Variants in TXNDC11 observed in about 807,000 individuals in gnomAD.
TXNDC11 encodes the protein thioredoxin domain containing 11.
A neutral mutation model predicts 78.0 loss-of-function variants in TXNDC11; 68 were observed. The observed-to-expected ratio is 0.87, with a 90% confidence interval of 0.72 to 1.07. The LOEUF (loss-of-function observed/expected upper bound fraction) is 1.07, where lower values mean the gene tolerates loss of function less well. Among genes scored for constraint, TXNDC11 ranks in the 50% least tolerant of loss-of-function variants. The pLI, the probability that TXNDC11 is intolerant of heterozygous loss-of-function variation, is 0.00. For missense variants in TXNDC11, 1,389 were observed against 1,221.8 expected (o/e 1.14, Z -2.04); for synonymous variants, 571 against 495.2 (o/e 1.15, Z -2.03).
chr16:11,721,620 A>G lies in TXNDC11; in HGVS notation c.750T>C (p.Gly250=). 6.2e-7 allele frequency: 1 copy of G among 1,612,820 alleles called. No individual in the cohort carries two copies. The highest frequency in any genetic ancestry group is 2.2e-5 in the East Asian group (1 of 44,822). The part of the protein sequence containing the change: ...FEFSGSPQPP[G]YLTFFTSALH... ...ATGCTGAGGTGAAGAAGGTCAAATA[A>G]CCAGGAGGCTGGGGTGAGCCACTGA... The change falls in exon 5 of 12, where the codon GGT becomes GGC. Residue 250 remains glycine (G), a synonymous_variant. Transcript: ENST00000283033.
chr16:11,689,936 G>A (rs183720592), intron 8 of TXNDC11: 1 of 152,278 alleles, frequency 6.6e-6, no homozygotes, highest in Admixed American at 6.5e-5. Flanking sequence ...TACACAGTGA[G>A]GAACTCTTGG....
At chr16:11,740,789 A>C (rs1172518516) in intron 1 of TXNDC11, among the ~76,000 whole-genome samples, 1 of 152,260 alleles carries the variant, frequency 6.6e-6, no homozygotes, top group African/African-American at 2.4e-5. Context: ...GGACTCCTTC[A>C]TCTGTGCACT....
chr16:11,709,313 C>T (rs954659519), intron 5 of TXNDC11, among the ~76,000 whole-genome samples: 2 of 148,998 alleles, frequency 1.3e-5, no homozygotes, highest in South Asian at 4.2e-4. Flanking sequence ...AGCGCAATGG[C>T]GTGATCTCAG....
chr16:11,736,349 C>A (rs2052220979), intron 1 of TXNDC11, 116 bp from the exon 2 acceptor site: 1 of 783,318 alleles, frequency 1.3e-6, no homozygotes, highest in Admixed American at 2.5e-5. Context: ...AAAATGGAGT[C>A]CCAAAATCAC....
chr16:11,723,755 T>C (rs975088298), intron 4 of TXNDC11, among the ~76,000 whole-genome samples: 2 of 152,242 alleles, frequency 1.3e-5, no homozygotes, highest in Non-Finnish European at 2.9e-5. Flanking sequence ...GCAATTTTAC[T>C]TAACTCTCTT....
At chr16:11,704,880 A>G (rs2051138981) in intron 5 of TXNDC11, among the ~76,000 whole-genome samples, 1 of 151,910 alleles carries the variant, frequency 6.6e-6, no homozygotes, top group African/African-American at 2.4e-5. Context: ...CAGTTTAGTG[A>G]ATAGGACCGA....
At chr16:11,724,063 C>A (rs2051799267) in intron 4 of TXNDC11, among the ~76,000 whole-genome samples, 1 of 152,122 alleles carries the variant, frequency 6.6e-6, no homozygotes, top group Non-Finnish European at 1.5e-5. Flanking sequence ...CCTCAGATCA[C>A]TTGAGGCCAG....
chr16:11,688,457 G>A lies in TXNDC11; in HGVS notation c.1901-12C>T, dbSNP rs777270669. On this transcript the variant is annotated splice_polypyrimidine_tract_variant and intron_variant, in intron 8 of 11. Transcript: ENST00000283033. ...TTGAATAAAAGACTCTAAAAATAAA[G>A]AGAAAATGAGATCAACTCTCCTCTA... The A allele has an allele frequency of 1.3e-6, 2 of 1,592,650 alleles. No individual in the cohort carries two copies. Among genetic ancestry groups the A allele is most frequent in the Non-Finnish European group, 1.7e-6 (2 of 1,169,086 alleles).
In TXNDC11 at chr16:11,689,969, T is replaced by A. The variant is rs1283311487; in HGVS notation, c.1900+1321A>T. ...TGGATTTATAATATGTAACTTGATA[T>A]AGAAAAATCAATATTTACATAAAGC... On this transcript the variant is annotated intron_variant, in intron 8 of 11. Coordinates refer to ENST00000283033, the MANE Select transcript of TXNDC11 (RefSeq NM_015914.7). 3 of 152,236 alleles carry A rather than the reference T, an allele frequency of 2.0e-5. No homozygotes were observed. The East Asian group carries it at 5.8e-4, about 29-fold the overall frequency. The allele number at this position is 152,236 out of a possible 1,614,324, so 9.4% of individuals were successfully genotyped here. A position where few individuals can be genotyped will look rare whatever the true frequency, so the allele number is the denominator to read the frequency against.
chr16:11,690,123 G>C (rs138409498), intron 8 of TXNDC11: 18 of 152,160 alleles, frequency 1.2e-4, no homozygotes, highest in Admixed American at 6.5e-4. Flanking sequence ...GAAATGAAAG[G>C]TTTCCTTCCC....
At chr16:11,714,825 TC>T (rs2051480663) in intron 5 of TXNDC11, among the ~76,000 whole-genome samples, 1 of 152,174 alleles carries the variant, frequency 6.6e-6, no homozygotes, top group South Asian at 2.1e-4. Flanking sequence ...TTAATACCTT[TC>T]CTCTAAAACA....
intron 5 of TXNDC11, among the ~76,000 whole-genome samples, chr16:11,715,750 T>C (rs944486634): frequency 6.6e-5 from 10 of 152,094 alleles, no homozygotes; most frequent in African/African-American, 2.2e-4. Context: ...ATTCAGTCCA[T>C]TGGACAGGGA....
intron 10 of TXNDC11, among the ~76,000 whole-genome samples, chr16:11,686,806 C>T (rs533735652): frequency 8.5e-5 from 13 of 152,276 alleles, no homozygotes; most frequent in African/African-American, 2.6e-4. Flanking sequence ...TTTTAATTTC[C>T]GGGGAGGCTG....
At chr16:11,680,473 G>A (rs1487292487) in intron 11 of TXNDC11, among the ~76,000 whole-genome samples, 1 of 152,192 alleles carries the variant, frequency 6.6e-6, no homozygotes, top group South Asian at 2.1e-4. Context: ...TGAGAGCACA[G>A]AATAAGGAAG....
intron 8 of TXNDC11, among the ~76,000 whole-genome samples, chr16:11,689,819 A>G (rs2050661862): frequency 6.6e-6 from 1 of 152,258 alleles, no homozygotes; most frequent in African/African-American, 2.4e-5. Context: ...GTTTCATTTT[A>G]AGAAAGCTCA....
rs1407353163 is a variant in TXNDC11, at chr16:11,702,088, A to ATG, written c.794-1526_794-1525dup. 3.7e-3 allele frequency among the ~76,000 whole-genome samples: 502 copies of ATG among 134,634 alleles called. 6 individuals carry two copies. The highest frequency in any genetic ancestry group is 0.013 in the African/African-American group (444 of 33,674). 88.3% of individuals were successfully genotyped at this position (134,634 alleles called of 152,430 possible). ...TGTATGTGTGTGTGTGTATGTATGT[A>ATG]TGTGTATATATATATATATATATAT... On this transcript the variant is annotated intron_variant, in intron 5 of 11. Transcript: ENST00000283033.
chr16:11,712,175 C>T (rs1232634202), intron 5 of TXNDC11, among the ~76,000 whole-genome samples: 4 of 152,116 alleles, frequency 2.6e-5, no homozygotes, highest in African/African-American at 7.2e-5. Context: ...AATATCACTA[C>T]ATAATTAGAA....
At chr16:11,688,941 A>C (rs2050638145) in intron 8 of TXNDC11, among the ~76,000 whole-genome samples, 1 of 152,136 alleles carries the variant, frequency 6.6e-6, no homozygotes, top group South Asian at 2.1e-4. Flanking sequence ...TTCTTTTTTT[A>C]AAGGTTAAGA....
rs188801472 is a variant in TXNDC11 at position 11,702,695 on chromosome 16, T to A, written c.794-2131A>T. Reference sequence around the variant, plus strand: ...TCTGCCTCCAAAGTAAATAAATAAATTTTTTTTTAAAAAACAGTTAAACAT... The same window carrying A: ...TCTGCCTCCAAAGTAAATAAATAAAATTTTTTTTAAAAAACAGTTAAACAT... On this transcript the variant is annotated intron_variant, in intron 5 of 11. Transcript: ENST00000283033. Among the ~76,000 whole-genome samples, 843 of 152,000 alleles carry A rather than the reference T, an allele frequency of 5.5e-3. 4 individuals are homozygous for A. The highest frequency in any genetic ancestry group is 0.019 in the African/African-American group (792 of 41,448).
Sources: gnomAD v4.1 joint callset for allele counts (sites outside exome capture counted in the v4.1 genomes callset) on GRCh38, gnomAD v4.1.1 for gene constraint, MANE v1.5 for transcripts, NCBI Gene and HGNC (gene_info 2026-07-23, HGNC 2026-07-21) for gene names.